DCAF6: variants seen among roughly 807,000 people sequenced by gnomAD.
DCAF6 encodes the protein DDB1- and CUL4-associated factor 6.
In DCAF6, 54 loss-of-function variants were observed where a neutral mutation model predicts 125.1. The ratio of observed to expected loss-of-function variants is 0.43; its 90% CI spans 0.35 to 0.54. The LOEUF (loss-of-function observed/expected upper bound fraction) is 0.54, where lower values mean the gene tolerates loss of function less well. Among genes scored for constraint, DCAF6 ranks in the 20% least tolerant of loss-of-function variants. The pLI is 0.01. For missense variants in DCAF6, 934 were observed against 1,161.7 expected (o/e 0.80, Z 2.85); for synonymous variants, 371 against 390.4 (o/e 0.95, Z 0.58).
At chr1:167,935,101 G>C (rs1292406007), upstream of DCAF6, among the ~76,000 whole-genome samples, 13 of 152,144 alleles carry the variant, frequency 8.5e-5, no homozygotes, top group Admixed American at 8.5e-4. Flanking sequence ...ACTATAAGTG[G>C]TAGAAGAGAA....
chr1:167,982,703 C>A (rs912471091), intron 4 of DCAF6, among the ~76,000 whole-genome samples: 2 of 152,136 alleles, frequency 1.3e-5, no homozygotes, highest in African/African-American at 4.8e-5. Context: ...GTTGCAGTGG[C>A]TATTGAGGAC....
Position 168,038,369 on chromosome 1 carries a change from A to C in DCAF6, c.1610-2A>C. ...TTCAAATGTTTTAAACACAATTTTC[A>C]GATAACAATAATGAAAAGCTGAGCC... On this transcript the variant is annotated splice_acceptor_variant, in intron 12 of 21. Transcript: ENST00000367840. LOFTEE classifies it high-confidence loss of function. The C allele has an allele frequency of 6.2e-7, 1 of 1,600,054 alleles. No individual in the cohort carries two copies. The highest frequency in any genetic ancestry group is 8.5e-7 in the Non-Finnish European group (1 of 1,173,544).
chr1:168,011,111 ATTTTTTTTTTT>A (rs370763073), intron 10 of DCAF6, among the ~76,000 whole-genome samples: 1 of 110,360 alleles, frequency 9.1e-6, no homozygotes, highest in Non-Finnish European at 1.8e-5. Context: ...GACCATCAGA[ATTTTTTTTTTT>A]TTTTTTTTTT....
chr1:167,878,751 G>A, the DCAF6 span: 1 of 1,026,014 alleles, frequency 9.7e-7, no homozygotes, highest in Non-Finnish European at 1.5e-6. Context: ...TGCTGTTCAT[G>A]AGTGACACAG....
chr1:168,015,904 C>T lies in DCAF6; in HGVS notation c.1502C>T (p.Ser501Phe). The T allele has an allele frequency of 6.5e-7, 1 of 1,541,144 alleles. No individual in the cohort carries two copies. Among genetic ancestry groups the T allele is most frequent in the Non-Finnish European group, 8.8e-7 (1 of 1,142,242 alleles). ...CATACCCAGCAACAGCCTTCCACTT[C>T]TGATCAGTCTTCTCATGAGGGCTCT... Reference protein sequence around the residue: ...AAHTQQQPSTSDQSSHEGSSQ... With the variant: ...AAHTQQQPSTFDQSSHEGSSQ... The change falls in exon 11 of 22, where the codon TCT becomes TTT. Residue 501 changes from serine to phenylalanine, a missense_variant. Ser to Phe is a radical substitution (Grantham distance 155, BLOSUM62 -2). Around this residue, in one of 5 missense-constraint regions of DCAF6, gnomAD observed 559 missense variants for 635.5 expected, o/e 0.88. Transcript: ENST00000367840.
In DCAF6 at chr1:167,936,953, G is replaced by C. The variant is rs1363302741; in HGVS notation, c.42G>C (p.Val14=). 1 of 1,610,954 alleles carries C rather than the reference G, an allele frequency of 6.2e-7. No individual in the cohort carries two copies. The highest frequency in any genetic ancestry group is 1.7e-5 in the Admixed American group (1 of 59,782). Residue 14 remains valine, a synonymous_variant, in exon 1 of 22, where the codon GTG becomes GTC. Transcript: ENST00000367840. The part of the protein sequence containing the change: ...GGSYPHLLWD[V]RKRSLGLEDP... ...CCTACCCACACCTGTTGTGGGACGT[G>C]AGGAAAAGGTCCCTCGGGCTGGAGG...
intron 1 of DCAF6, among the ~76,000 whole-genome samples, chr1:167,947,893 A>G (rs1002582061): frequency 6.6e-6 from 1 of 152,218 alleles, no homozygotes; most frequent in Non-Finnish European, 1.5e-5. Context: ...CATTTGGTCT[A>G]AAGTCCAGTT....
chr1:167,966,855 A>G (rs928384973), intron 3 of DCAF6, 134 bp downstream of exon 3: 28 of 598,318 alleles, frequency 4.7e-5, no homozygotes, highest in African/African-American at 7.6e-5. Flanking sequence ...GGTTTATTGT[A>G]TAATTTAGAG....
intron 3 of DCAF6, among the ~76,000 whole-genome samples, chr1:167,969,825 G>A (rs1677021265): frequency 6.6e-6 from 1 of 152,162 alleles, no homozygotes; most frequent in African/African-American, 2.4e-5. Context: ...TGCCCAGGCT[G>A]GAGTGCAGTG....
chr1:167,876,172 G>A, the DCAF6 span, among the ~76,000 whole-genome samples: 8 of 150,614 alleles, frequency 5.3e-5, no homozygotes, highest in African/African-American at 1.5e-4. Context: ...CAGGAGAATC[G>A]CTTGAACCCA....
the DCAF6 span, chr1:167,880,284 A>G: frequency 8.4e-7 from 1 of 1,189,964 alleles, no homozygotes; most frequent in Admixed American, 1.9e-5. Flanking sequence ...CTGGGTTGGG[A>G]AAGGGTGGGA....
chr1:167,865,231 TA>T, the DCAF6 span, among the ~76,000 whole-genome samples: 1 of 152,158 alleles, frequency 6.6e-6, no homozygotes, highest in Admixed American at 6.5e-5. Flanking sequence ...TTACCTACAT[TA>T]AAAGGTTAAA....
At chr1:167,953,015 A>G (rs183607433) in intron 2 of DCAF6, among the ~76,000 whole-genome samples, 5 of 152,278 alleles carry the variant, frequency 3.3e-5, no homozygotes, top group Admixed American at 2.6e-4. Flanking sequence ...TGCTGAAGAT[A>G]TATTATTTTA....
chr1:168,070,692 A>G (rs576714487), intron 21 of DCAF6, among the ~76,000 whole-genome samples: 67 of 152,310 alleles, frequency 4.4e-4, no homozygotes, highest in African/African-American at 1.6e-3. Context: ...ATAATGCACT[A>G]AAGACTGCTA....
chr1:167,939,044 A>C (rs1469546442), intron 1 of DCAF6, among the ~76,000 whole-genome samples: 1 of 152,218 alleles, frequency 6.6e-6, no homozygotes, highest in Non-Finnish European at 1.5e-5. Context: ...GACTTCCTTT[A>C]AAAGTGGTTT....
At chr1:167,866,256 C>G in the DCAF6 span, among the ~76,000 whole-genome samples, 9 of 152,112 alleles carry the variant, frequency 5.9e-5, no homozygotes, top group Non-Finnish European at 1.2e-4. Flanking sequence ...CATCGTAAAG[C>G]GAGAGAAGCC....
intron 1 of DCAF6, among the ~76,000 whole-genome samples, chr1:167,937,716 CA>C (rs1405533147): frequency 1.3e-5 from 2 of 152,040 alleles, no homozygotes; most frequent in Non-Finnish European, 2.9e-5. Flanking sequence ...CTTGGGGGAA[CA>C]GTATTCCACT....
At position 167,983,687 on chromosome 1, in the gene DCAF6, GT is replaced by G. The variant is rs1679532865; in HGVS notation, c.439-3804del. 2.0e-5 allele frequency among the ~76,000 whole-genome samples: 3 copies of G among 152,164 alleles called. No individual in the cohort carries two copies. In the South Asian group the frequency reaches 6.2e-4, roughly 31 times the overall value. ...GCATAATTTCTAAATTCCCAGAAATGTTTTGTTGCTTTTCAAATTCTACTAT... is the reference window on the plus strand; with the variant it reads ...GCATAATTTCTAAATTCCCAGAAATGTTTGTTGCTTTTCAAATTCTACTAT... On this transcript the variant is annotated intron_variant, in intron 4 of 21. Transcript: ENST00000367840.
intron 3 of DCAF6, 91 bp from the exon 4 acceptor site, chr1:167,974,739 T>G: frequency 1.5e-4 from 148 of 961,400 alleles, no homozygotes; most frequent in Middle Eastern, 3.2e-4. Context: ...AGAATGTTAA[T>G]GAGAATGTAT....
Sources: allele counts gnomAD v4.1 joint callset (sites outside exome capture counted in the v4.1 genomes callset), GRCh38; gene constraint gnomAD v4.1.1; regional missense constraint gnomAD v4.1.1; transcripts MANE v1.5; gene names NCBI Gene and HGNC (gene_info 2026-07-23, HGNC 2026-07-21).